DLG2: variants seen among roughly 807,000 people sequenced by gnomAD.
The protein encoded by DLG2 is discs large MAGUK scaffold protein 2.
Under a neutral mutation model 132.5 loss-of-function variants are expected in DLG2, and 45 were observed. That is an observed-to-expected ratio of 0.34 (90% CI 0.27 to 0.44). The LOEUF (loss-of-function observed/expected upper bound fraction) is 0.44, where lower values mean the gene tolerates loss of function less well. Among genes scored for constraint, DLG2 ranks in the 20% least tolerant of loss-of-function variants. The probability of loss-of-function intolerance (pLI) is 1.00; values close to 1 mark genes in which losing one functional copy is unlikely to be tolerated. For synonymous variants in DLG2, 424 were observed against 419.6 expected (o/e 1.01, Z -0.13); for missense variants, 1,045 against 1,196.9 (o/e 0.87, Z 1.87).
intron 7 of DLG2, among the ~76,000 whole-genome samples, chr11:84,314,028 A>T (rs1009254414): frequency 6.6e-6 from 1 of 152,236 alleles, no homozygotes; most frequent in South Asian, 2.1e-4. Context: ...TCCTGTTAGT[A>T]CACAGTACCC....
At chr11:83,681,113 C>A (rs1487522780) in intron 18 of DLG2, among the ~76,000 whole-genome samples, 1 of 152,102 alleles carries the variant, frequency 6.6e-6, no homozygotes. Context: ...AAAAAAATGT[C>A]CTTGCTACTC....
chr11:84,740,275 G>A (rs2064421991), intron 6 of DLG2, among the ~76,000 whole-genome samples: 1 of 151,940 alleles, frequency 6.6e-6, no homozygotes, highest in South Asian at 2.1e-4. Flanking sequence ...CTCCTTCCAA[G>A]CAGATCAGCA....
intron 6 of DLG2, among the ~76,000 whole-genome samples, chr11:84,744,090 G>A (rs2065045167): frequency 6.6e-6 from 1 of 152,130 alleles, no homozygotes; most frequent in Non-Finnish European, 1.5e-5. Context: ...CTACAGGTTG[G>A]TTGGGTAGAT....
At position 85,445,309 on chromosome 11, in the gene DLG2, A is replaced by G. The variant is rs1218914581; in HGVS notation, c.40+153348T>C. Reference sequence around the variant, plus strand: ...TTTTTGAGAGGGTTTAGACTCTCCCATCTCCTGGACAAATCCAGAAGCCAT... The same window carrying G: ...TTTTTGAGAGGGTTTAGACTCTCCCGTCTCCTGGACAAATCCAGAAGCCAT... On this transcript the variant is annotated intron_variant, in intron 3 of 27. Transcript: ENST00000376104. 4.6e-5 allele frequency among the ~76,000 whole-genome samples: 7 copies of G among 152,316 alleles called. No homozygotes were observed. The East Asian group carries it at 1.3e-3, about 29-fold the overall frequency.
At chr11:85,467,153 T>G (rs1216967785) in intron 3 of DLG2, among the ~76,000 whole-genome samples, 1 of 152,220 alleles carries the variant, frequency 6.6e-6, no homozygotes, top group Non-Finnish European at 1.5e-5. Context: ...TTTTTGCAAT[T>G]GATTTTGTAT....
chr11:84,838,138 T>A (rs756004345), intron 6 of DLG2, among the ~76,000 whole-genome samples: 6 of 151,966 alleles, frequency 3.9e-5, no homozygotes, highest in Non-Finnish European at 7.4e-5. Context: ...AAATCAGACA[T>A]CTGATATTTA....
chr11:83,543,235 TCAGA>T (rs1231660447), intron 19 of DLG2, among the ~76,000 whole-genome samples: 1 of 152,166 alleles, frequency 6.6e-6, no homozygotes, highest in Non-Finnish European at 1.5e-5. Context: ...TGCCAAAGGC[TCAGA>T]CAAAGTACCA....
intron 3 of DLG2, among the ~76,000 whole-genome samples, chr11:85,361,925 A>T (rs1205990270): frequency 6.6e-6 from 1 of 152,128 alleles, no homozygotes; most frequent in African/African-American, 2.4e-5. Context: ...GATTCTTCCA[A>T]TCCATGAGCA....
intron 10 of DLG2, among the ~76,000 whole-genome samples, chr11:84,075,414 A>G (rs2096815912): frequency 6.6e-6 from 1 of 152,206 alleles, no homozygotes; most frequent in African/African-American, 2.4e-5. Flanking sequence ...CCTAACAGGC[A>G]CTAAGCAAAG....
intron 16 of DLG2, among the ~76,000 whole-genome samples, chr11:83,859,810 TA>T (rs1253627450): frequency 6.6e-6 from 1 of 152,040 alleles, no homozygotes; most frequent in African/African-American, 2.4e-5. Context: ...ACTGGAGGTT[TA>T]GGGGGAAAAA....
chr11:84,963,488 A>G (rs1471796894), intron 6 of DLG2, among the ~76,000 whole-genome samples: 1 of 152,186 alleles, frequency 6.6e-6, no homozygotes, highest in Non-Finnish European at 1.5e-5. Context: ...CTCTGATACC[A>G]TTATTCATTA....
intron 3 of DLG2, among the ~76,000 whole-genome samples, chr11:85,303,238 C>T (rs1056159736): frequency 2.0e-5 from 3 of 152,154 alleles, no homozygotes; most frequent in Non-Finnish European, 4.4e-5. Flanking sequence ...AATGTATGCT[C>T]AGGCTTGGTT....
intron 7 of DLG2, among the ~76,000 whole-genome samples, chr11:84,272,715 G>A (rs1187066565): frequency 6.6e-6 from 1 of 152,002 alleles, no homozygotes; most frequent in Non-Finnish European, 1.5e-5. Context: ...TTTTTTGGTG[G>A]GTTTTACTTG....
At chr11:85,436,905 G>T (rs1275654467) in intron 3 of DLG2, among the ~76,000 whole-genome samples, 5 of 152,154 alleles carry the variant, frequency 3.3e-5, no homozygotes, top group Admixed American at 1.3e-4. Context: ...CAACCCAAAT[G>T]CCCATCAATG....
chr11:85,486,370 C>G (rs1597818582), intron 3 of DLG2, among the ~76,000 whole-genome samples: 1 of 152,200 alleles, frequency 6.6e-6, no homozygotes, highest in Non-Finnish European at 1.5e-5. Flanking sequence ...GCCACCAAAG[C>G]CCACAGGGAA....
At chr11:84,188,002 A>T (rs2096315933) in intron 8 of DLG2, among the ~76,000 whole-genome samples, 1 of 152,148 alleles carries the variant, frequency 6.6e-6, no homozygotes, top group Non-Finnish European at 1.5e-5. Flanking sequence ...TTTTCCCAAA[A>T]TCAAATAGGA....
intron 6 of DLG2, among the ~76,000 whole-genome samples, chr11:84,784,365 TA>T (rs2072482483): frequency 6.7e-6 from 1 of 148,358 alleles, no homozygotes; most frequent in African/African-American, 2.5e-5. Flanking sequence ...AATAAATAAA[TA>T]AATTAAACAA....
chr11:84,584,418 C>G (rs1184503025), intron 6 of DLG2, among the ~76,000 whole-genome samples: 1 of 151,796 alleles, frequency 6.6e-6, no homozygotes, highest in Non-Finnish European at 1.5e-5. Flanking sequence ...ATATTCATAG[C>G]TCAATATAAT....
At chr11:84,262,415 T>G (rs576796816) in intron 7 of DLG2, among the ~76,000 whole-genome samples, 1 of 152,284 alleles carries the variant, frequency 6.6e-6, no homozygotes, top group East Asian at 1.9e-4. Flanking sequence ...TTTCTCAAAC[T>G]TTCCAGATAA....
Sources: allele counts gnomAD v4.1 joint callset (sites outside exome capture counted in the v4.1 genomes callset), GRCh38; gene constraint gnomAD v4.1.1; transcripts MANE v1.5; gene names NCBI Gene and HGNC (gene_info 2026-07-23, HGNC 2026-07-21).